The following CDH10 variants were observed in gnomAD, a reference collection of about 807,000 sequenced individuals.
CDH10 encodes the protein cadherin 10.
Under a neutral mutation model 73.1 loss-of-function variants are expected in CDH10, and 30 were observed. The observed-to-expected ratio is 0.41, with a 90% CI of 0.31 to 0.56. CDH10 has a LOEUF of 0.56. Among genes scored for constraint, CDH10 ranks in the 20% least tolerant of loss-of-function variants. CDH10 has a pLI of 0.27. For synonymous variants in CDH10, 345 were observed against 348.2 expected, an observed-to-expected ratio of 0.99 and a Z score of 0.10; for missense variants, 815 against 973.7, an observed-to-expected ratio of 0.84 and a Z score of 2.17.
At chr5:24,492,785 A>AT in intron 10 of CDH10, 32 bp downstream of exon 10, 2 of 857,520 alleles carry the variant, frequency 2.3e-6, no homozygotes. Context: ...TAATATCATC[A>AT]TAAGTCATAG....
intron 1 of CDH10, among the ~76,000 whole-genome samples, chr5:24,633,457 G>C (rs905098412): frequency 1.3e-5 from 2 of 151,818 alleles, no homozygotes; most frequent in Admixed American, 1.3e-4. Context: ...TCAATGACCA[G>C]AGTTTGCTGG....
Position 24,511,309 on chromosome 5 carries a change from T to C in CDH10, c.1002+18A>G, listed in dbSNP as rs367698084. On this transcript the variant is annotated intron_variant, in intron 6 of 11. Transcript: ENST00000264463. ...CTCCTGAAACACACAGATGCTTATT[T>C]ATATGGATGCTGTGCACCTTTTTCA... 1.1e-5 allele frequency: 17 copies of C among 1,532,446 alleles called. No individual in the cohort carries two copies. In the East Asian group the frequency reaches 3.8e-4, roughly 34 times the overall value. The allele number at this position is 1,532,446 out of a possible 1,614,324, so 94.9% of individuals were successfully genotyped here.
At chr5:24,575,136 C>T (rs1464268525) in intron 2 of CDH10, among the ~76,000 whole-genome samples, 1 of 151,810 alleles carries the variant, frequency 6.6e-6, no homozygotes, top group Non-Finnish European at 1.5e-5. Context: ...CTGAGGCAGG[C>T]AGATCACCTG....
intron 5 of CDH10, among the ~76,000 whole-genome samples, chr5:24,521,704 T>C (rs888906958): frequency 6.6e-6 from 1 of 152,058 alleles, no homozygotes; most frequent in South Asian, 2.1e-4. Context: ...AACCAAACTA[T>C]TAAACTAAAC....
At chr5:24,597,123 A>G (rs994956180) in intron 1 of CDH10, among the ~76,000 whole-genome samples, 3 of 152,058 alleles carry the variant, frequency 2.0e-5, no homozygotes, top group Non-Finnish European at 4.4e-5. Flanking sequence ...TAATATGAAT[A>G]TCCTATGAAC....
intron 1 of CDH10, among the ~76,000 whole-genome samples, chr5:24,597,326 G>A (rs1410638242): frequency 5.3e-5 from 8 of 152,088 alleles, no homozygotes; most frequent in African/African-American, 1.4e-4. Flanking sequence ...GCCAATGCAG[G>A]CGGACCATGT....
At chr5:24,513,309 G>A (rs1381180585) in intron 5 of CDH10, among the ~76,000 whole-genome samples, 5 of 152,076 alleles carry the variant, frequency 3.3e-5, no homozygotes, top group Non-Finnish European at 1.5e-5. Flanking sequence ...ATGAGCCACT[G>A]TGCCCGGCCC....
chr5:24,530,169 T>G lies in CDH10; in HGVS notation c.814+4943A>C, dbSNP rs565334751. Among the ~76,000 whole-genome samples the G allele has an allele frequency of 2.0e-5, 3 of 151,822 alleles. No individual in the cohort carries two copies. In the South Asian group the frequency reaches 6.2e-4, roughly 32 times the overall value. On this transcript the variant is annotated intron_variant, in intron 5 of 11. Transcript: ENST00000264463. ...GCCTTTTTTTTTTCCTTGAATAGATTTGAGAGTCTTTTCAAATAGACATTC... is the reference window on the plus strand; with the variant it reads ...GCCTTTTTTTTTTCCTTGAATAGATGTGAGAGTCTTTTCAAATAGACATTC...
intron 3 of CDH10, among the ~76,000 whole-genome samples, chr5:24,536,340 T>C (rs948812012): frequency 3.3e-5 from 5 of 152,070 alleles, no homozygotes; most frequent in Non-Finnish European, 7.4e-5. Flanking sequence ...GTTCAAGATA[T>C]TTAAAAGGAC....
chr5:24,564,443 A>T (rs773938810), intron 2 of CDH10, among the ~76,000 whole-genome samples: 1 of 152,096 alleles, frequency 6.6e-6, no homozygotes, highest in Admixed American at 6.6e-5. Context: ...CAAAGGAATC[A>T]CTTCTATAAT....
intron 2 of CDH10, among the ~76,000 whole-genome samples, chr5:24,549,786 A>G (rs527522514): frequency 6.6e-6 from 1 of 152,258 alleles, no homozygotes. Flanking sequence ...TCCTGACCTC[A>G]GGTGAGCTGC....
chr5:24,562,381 A>G (rs1163833592), intron 2 of CDH10, among the ~76,000 whole-genome samples: 1 of 152,054 alleles, frequency 6.6e-6, no homozygotes, highest in Non-Finnish European at 1.5e-5. Context: ...ATATAGAATT[A>G]CAGAGTCTAA....
At chr5:24,560,604 T>A (rs1395024) in intron 2 of CDH10, among the ~76,000 whole-genome samples, 125,839 of 151,896 alleles carry the variant, frequency 0.83, 52,167 homozygotes, top group East Asian at 0.9. Context: ...ACAGCTTGTA[T>A]AAATAGATAC....
At chr5:24,500,831 G>C (rs998445670) in intron 8 of CDH10, among the ~76,000 whole-genome samples, 3 of 152,042 alleles carry the variant, frequency 2.0e-5, no homozygotes, top group African/African-American at 7.3e-5. Flanking sequence ...TCCACATAAA[G>C]TATTCACCTA....
intron 1 of CDH10, among the ~76,000 whole-genome samples, chr5:24,624,838 G>A (rs1311439790): frequency 2.0e-5 from 3 of 152,074 alleles, no homozygotes; most frequent in South Asian, 2.1e-4. Context: ...ACAAAGAACT[G>A]TATTACCTCA....
chr5:24,587,581 T>G (rs1561182139), intron 2 of CDH10, among the ~76,000 whole-genome samples: 1 of 152,128 alleles, frequency 6.6e-6, no homozygotes, highest in Non-Finnish European at 1.5e-5. Flanking sequence ...AGAGCAAAAT[T>G]TATGTGAGAT....
chr5:24,488,589 G>A (rs915063438), intron 11 of CDH10, among the ~76,000 whole-genome samples: 1 of 151,952 alleles, frequency 6.6e-6, no homozygotes, highest in African/African-American at 2.4e-5. Context: ...TTTTTTCAAA[G>A]CATTTACACA....
intron 9 of CDH10, among the ~76,000 whole-genome samples, chr5:24,493,859 T>C (rs1742160489): frequency 6.6e-6 from 1 of 151,842 alleles, no homozygotes; most frequent in Admixed American, 6.6e-5. Context: ...TGAAAATATT[T>C]GTTGTTGATG....
chr5:24,577,042 A>G (rs1466444919), intron 2 of CDH10, among the ~76,000 whole-genome samples: 2 of 149,766 alleles, frequency 1.3e-5, no homozygotes, highest in African/African-American at 4.9e-5. Context: ...ATATTCTACA[A>G]AACACTCTAG....
Sources: allele counts gnomAD v4.1 joint callset (sites outside exome capture counted in the v4.1 genomes callset), GRCh38; gene constraint gnomAD v4.1.1; transcripts MANE v1.5; gene names NCBI Gene and HGNC (gene_info 2026-07-23, HGNC 2026-07-21).